Variants in PTPRD observed in about 807,000 individuals in gnomAD.
PTPRD encodes protein tyrosine phosphatase receptor type D.
Under a neutral mutation model 214.5 loss-of-function variants are expected in PTPRD, and 34 were observed. The ratio of observed to expected loss-of-function variants is 0.16; its 90% CI spans 0.12 to 0.21. PTPRD has a LOEUF of 0.21. Among genes scored for constraint, PTPRD ranks in the 10% least tolerant of loss-of-function variants. PTPRD has a pLI of 1.00. For synonymous variants in PTPRD, 1,128 were observed against 845.7 expected (o/e 1.33, Z -5.79); for missense variants, 2,545 against 2,398.7 (o/e 1.06, Z -1.27).
At chr9:8,449,073 C>T (rs2133407531) in intron 34 of PTPRD, among the ~76,000 whole-genome samples, 1 of 152,212 alleles carries the variant, frequency 6.6e-6, no homozygotes. Flanking sequence ...GTGCAGAAGG[C>T]CCCTCAGTAG....
intron 11 of PTPRD, among the ~76,000 whole-genome samples, chr9:8,739,689 T>A (rs1403753686): frequency 2.0e-5 from 3 of 150,600 alleles, no homozygotes; most frequent in Non-Finnish European, 4.4e-5. Context: ...GATACCCATT[T>A]AAGCTTTGGA....
intron 4 of PTPRD, among the ~76,000 whole-genome samples, chr9:10,025,539 G>A (rs944313749): frequency 6.6e-6 from 1 of 152,136 alleles, no homozygotes; most frequent in African/African-American, 2.4e-5. Context: ...TTTCATCATA[G>A]GAGAATTCAC....
intron 11 of PTPRD, among the ~76,000 whole-genome samples, chr9:8,909,548 C>A (rs1206851901): frequency 2.6e-5 from 4 of 152,114 alleles, no homozygotes; most frequent in African/African-American, 9.7e-5. Context: ...ATCAAACACC[C>A]ATTCCAGATA....
At chr9:10,019,740 A>G (rs895139259) in intron 4 of PTPRD, among the ~76,000 whole-genome samples, 1 of 146,948 alleles carries the variant, frequency 6.8e-6, no homozygotes, top group African/African-American at 2.4e-5. Context: ...GAACACACGG[A>G]CACAGGAAGG....
intron 7 of PTPRD, among the ~76,000 whole-genome samples, chr9:9,650,205 A>T (rs2096298896): frequency 6.6e-6 from 1 of 152,116 alleles, no homozygotes; most frequent in Non-Finnish European, 1.5e-5. Flanking sequence ...ACCATGTAAG[A>T]TGTGCCTTGC....
rs539745756 is a variant in PTPRD, at chr9:10,258,585, C to A, written c.-545+82378G>T. 2.0e-4 allele frequency among the ~76,000 whole-genome samples: 30 copies of A among 152,240 alleles called. 1 individual carries two copies. In the South Asian group the frequency reaches 5.8e-3, roughly 29 times the overall value. The stretch of plus-strand genomic sequence containing the variant: ...CAATGAAAAGTAATAATTTTATCCA[C>A]AATAGTGGCAAGCCAACAATCATCT... On this transcript the variant is annotated intron_variant, in intron 3 of 45. Coordinates refer to ENST00000381196, the MANE Select transcript of PTPRD (RefSeq NM_002839.4).
chr9:9,439,002 C>T (rs1200718880), intron 8 of PTPRD, among the ~76,000 whole-genome samples: 1 of 152,062 alleles, frequency 6.6e-6, no homozygotes, highest in African/African-American at 2.4e-5. Context: ...AAATAATACA[C>T]TCAAATAAAA....
chr9:8,863,562 T>C (rs1405786877), intron 11 of PTPRD, among the ~76,000 whole-genome samples: 1 of 152,262 alleles, frequency 6.6e-6, no homozygotes, highest in African/African-American at 2.4e-5. Context: ...CATTAATGCA[T>C]ACATTAAGCA....
chr9:10,082,151 C>A (rs1405067641), intron 3 of PTPRD, among the ~76,000 whole-genome samples: 6 of 152,092 alleles, frequency 3.9e-5, no homozygotes, highest in Non-Finnish European at 8.8e-5. Flanking sequence ...TAGCACAGAT[C>A]TTCTAAGCAA....
Position 9,577,459 on chromosome 9 carries a change from G to A in PTPRD, c.-286-2678C>T, listed in dbSNP as rs1333850460. ...GTGTGCTTGTACTCCCAGCCACTTG[G>A]GGGCTTAGAAAGAAGGATCGCTTGA... On this transcript the variant is annotated intron_variant, in intron 7 of 45. Transcript: ENST00000381196. 3.3e-5 allele frequency among the ~76,000 whole-genome samples: 5 copies of A among 152,008 alleles called. No individual in the cohort carries two copies. In the South Asian group the frequency reaches 8.3e-4, roughly 25 times the overall value.
intron 3 of PTPRD, among the ~76,000 whole-genome samples, chr9:10,188,646 T>A (rs1035809540): frequency 2.0e-5 from 3 of 152,116 alleles, no homozygotes; most frequent in African/African-American, 7.2e-5. Context: ...AAAGCATGTA[T>A]CTCAATAGGC....
chr9:10,275,286 T>A (rs1380412137), intron 3 of PTPRD, among the ~76,000 whole-genome samples: 1 of 152,154 alleles, frequency 6.6e-6, no homozygotes, highest in East Asian at 1.9e-4. Context: ...TCTTTTCTTA[T>A]TTATAAAAAG....
At chr9:8,633,184 T>C in intron 14 of PTPRD, 133 bp downstream of exon 14, 2 of 1,158,500 alleles carry the variant, frequency 1.7e-6, no homozygotes, top group Non-Finnish European at 1.2e-6. Context: ...CTAATTAAAG[T>C]TCAAGTCTTA....
In PTPRD at chr9:9,208,020, C is replaced by CTTTTTTTTTTTTTTT. The variant is rs749709602; in HGVS notation, c.-202-24672_-202-24658dup. Among the ~76,000 whole-genome samples, 421 of 53,234 alleles carry CTTTTTTTTTTTTTTT rather than the reference C, an allele frequency of 7.9e-3. 113 individuals carry two copies. Among genetic ancestry groups the CTTTTTTTTTTTTTTT allele is most frequent in the African/African-American group, 0.012 (228 of 18,442 alleles). The allele number at this position is 53,234 out of a possible 152,430, so 34.9% of individuals were successfully genotyped here. On this transcript the variant is annotated intron_variant, in intron 9 of 45. Transcript: ENST00000381196. ...TGGTATGGCTATTCATATATATCTG[C>CTTTTTTTTTTTTTTT]TTTTTTTTTTTTTTTTTGAGACAGA...
chr9:8,338,913 C>T lies in PTPRD; in HGVS notation c.5379+9G>A, dbSNP rs1849657317. On this transcript the variant is annotated intron_variant, in intron 43 of 45. Coordinates refer to ENST00000381196, the MANE Select transcript of PTPRD (RefSeq NM_002839.4). ...TAATGGTTAAGAGTTGAAGACTGTG[C>T]CAACTTACCCTGGCATCTGTGACCT... 6.3e-7 allele frequency: 1 copy of T among 1,594,756 alleles called. No homozygotes were observed. The highest frequency in any genetic ancestry group is 8.6e-7 in the Non-Finnish European group (1 of 1,167,728).
chr9:9,952,744 T>G (rs1481789431), intron 4 of PTPRD, among the ~76,000 whole-genome samples: 1 of 152,158 alleles, frequency 6.6e-6, no homozygotes, highest in Non-Finnish European at 1.5e-5. Context: ...AACTAGGGTT[T>G]AAACACTGAA....
At chr9:9,244,703 T>C (rs1036079394) in intron 9 of PTPRD, among the ~76,000 whole-genome samples, 4 of 152,032 alleles carry the variant, frequency 2.6e-5, no homozygotes, top group Non-Finnish European at 2.9e-5. Context: ...ACCTAGGCAA[T>C]ACCATTCAGG....
At chr9:9,705,590 T>C (rs889159999) in intron 7 of PTPRD, among the ~76,000 whole-genome samples, 2 of 152,114 alleles carry the variant, frequency 1.3e-5, no homozygotes, top group South Asian at 2.1e-4. Flanking sequence ...ATAATAAAGA[T>C]AGTAATAGTG....
intron 9 of PTPRD, among the ~76,000 whole-genome samples, chr9:9,243,281 C>G (rs1274762725): frequency 1.3e-5 from 2 of 152,148 alleles, no homozygotes; most frequent in African/African-American, 4.8e-5. Context: ...TCCTCCCTAA[C>G]TCATTTTATG....
Sources: gnomAD v4.1 joint callset for allele counts (sites outside exome capture counted in the v4.1 genomes callset) on GRCh38, gnomAD v4.1.1 for gene constraint, MANE v1.5 for transcripts, NCBI Gene and HGNC (gene_info 2026-07-23, HGNC 2026-07-21) for gene names.